The following MTO1 variants were observed in gnomAD, a reference collection of about 807,000 sequenced individuals.
MTO1 encodes 5-taurinomethyluridine-[tRNA] synthase subunit MTO1, mitochondrial.
In MTO1, 46 loss-of-function variants were observed where a neutral mutation model predicts 71.6. That is an observed-to-expected ratio of 0.64 (90% CI 0.51 to 0.82). The LOEUF is 0.82. Ranked by LOEUF, MTO1 falls within the 40% of genes least tolerant of loss-of-function variation. The pLI, the probability that MTO1 is intolerant of heterozygous loss-of-function variation, is 0.00. For missense variants in MTO1, 773 were observed against 867.5 expected (o/e 0.89, Z 1.37); for synonymous variants, 297 against 312.1 (o/e 0.95, Z 0.51).
intron 7 of MTO1, 132 bp from the exon 8 acceptor site, chr6:73,481,908 C>T (rs1771504329): frequency 1.2e-6 from 1 of 847,282 alleles, no homozygotes; most frequent in African/African-American, 1.7e-5. Flanking sequence ...CATTTTCTAC[C>T]TCTATTATAT....
At chr6:73,471,818 ATG>A (rs35298337) in intron 3 of MTO1, 21,883 of 162,204 alleles carry the variant, frequency 0.13, 1,854 homozygotes, top group East Asian at 0.2. Flanking sequence ...AAACCATAAA[ATG>A]TACCATTTTA....
chr6:73,480,849 A>G (rs1230194701), intron 7 of MTO1, 44 bp downstream of exon 7: 1 of 1,596,384 alleles, frequency 6.3e-7, no homozygotes, highest in African/African-American at 1.3e-5. Flanking sequence ...GGACTATTTA[A>G]CTGGTATTTC....
intron 4 of MTO1, among the ~76,000 whole-genome samples, chr6:73,475,355 T>A (rs1222056928): frequency 6.6e-6 from 1 of 151,956 alleles, no homozygotes; most frequent in African/African-American, 2.4e-5. Context: ...CGATCTCAGC[T>A]CACTGCAGCC....
intron 1 of MTO1, among the ~76,000 whole-genome samples, chr6:73,464,846 A>AC (rs1770935015): frequency 6.7e-6 from 1 of 149,460 alleles, no homozygotes; most frequent in African/African-American, 2.5e-5. Context: ...AAAAAAAAAA[A>AC]AAAAAAAAAA....
At chr6:73,493,338 T>C (rs1295612039) in intron 10 of MTO1, among the ~76,000 whole-genome samples, 1 of 135,602 alleles carries the variant, frequency 7.4e-6, no homozygotes, top group Non-Finnish European at 1.6e-5. Flanking sequence ...GTACCACTTA[T>C]TTGAAATGTG....
At position 73,504,680 on chromosome 6, in the gene MTO1, A is replaced by C. The variant is rs1438989059; in HGVS notation, c.*3945A>C. The C allele has an allele frequency of 6.6e-6, 1 of 152,242 alleles. No homozygotes were observed. The highest frequency in any genetic ancestry group is 1.5e-5 in the Non-Finnish European group (1 of 68,086). The allele number at this position is 152,242 out of a possible 1,614,324, so 9.4% of individuals were successfully genotyped here. ...GCCAGGCGGATCACTTGAGCTCAGC[A>C]GTTCAAGACCAGCCTGGGCAACATG... On this transcript the variant is annotated 3_prime_UTR_variant, in exon 12 of 12. Transcript: ENST00000498286.
intron 3 of MTO1, among the ~76,000 whole-genome samples, chr6:73,472,489 T>C (rs1258084783): frequency 1.3e-5 from 2 of 152,184 alleles, no homozygotes. Context: ...CATTGTATTC[T>C]CTCTCCTAGA....
At chr6:73,494,650 T>C (rs1771930876) in intron 10 of MTO1, among the ~76,000 whole-genome samples, 2 of 151,652 alleles carry the variant, frequency 1.3e-5, no homozygotes, top group South Asian at 4.2e-4. Context: ...CTAATTTTTT[T>C]ATTTTTAGTA....
chr6:73,486,069 A>T (rs1353222882), intron 9 of MTO1, among the ~76,000 whole-genome samples: 1 of 152,116 alleles, frequency 6.6e-6, no homozygotes, highest in Non-Finnish European at 1.5e-5. Context: ...AGAGCTCTGT[A>T]CTCTGAGGCT....
chr6:73,468,080 G>T (rs1165205882), intron 3 of MTO1, among the ~76,000 whole-genome samples: 1 of 151,954 alleles, frequency 6.6e-6, no homozygotes, highest in Non-Finnish European at 1.5e-5. Context: ...CGCCCTCCCA[G>T]AGTGCTGGGA....
chr6:73,464,874 T>A (rs375163070), intron 1 of MTO1, among the ~76,000 whole-genome samples: 5 of 149,032 alleles, frequency 3.4e-5, no homozygotes, highest in African/African-American at 1.2e-4. Flanking sequence ...TTTGGAGGTC[T>A]TGATTCTTGA....
At chr6:73,472,562 G>A (rs1315186959) in intron 3 of MTO1, among the ~76,000 whole-genome samples, 5 of 152,136 alleles carry the variant, frequency 3.3e-5, no homozygotes, top group African/African-American at 9.7e-5. Flanking sequence ...TTTGTCTGGG[G>A]TAGGGGAAAT....
chr6:73,481,925 G>C (rs1771505192), intron 7 of MTO1, 115 bp from the exon 8 acceptor site: 1 of 1,063,814 alleles, frequency 9.4e-7, no homozygotes, highest in Non-Finnish European at 1.4e-6. Flanking sequence ...ATATCCCTTA[G>C]GGGCAATACT....
Position 73,480,758 on chromosome 6 carries a change from G to T in MTO1, c.1213G>T (p.Ala405Ser), listed in dbSNP as rs1440026806. The change falls in exon 7 of 12, where the codon GCT becomes TCT. Residue 405 changes from alanine (A) to serine (S), a missense_variant. Transcript: ENST00000498286. The stretch of plus-strand genomic sequence containing the variant: ...TCATTTGGTTCAACGACTCTTCTTT[G>T]CTGGACAGATCAATGGCACCACTGG... ...ETHLVQRLFF[A>S]GQINGTTGYE... 1.9e-6 allele frequency: 3 copies of T among 1,613,852 alleles called. No individual in the cohort carries two copies. The highest frequency in any genetic ancestry group is 1.3e-5 in the African/African-American group (1 of 74,884).
intron 9 of MTO1, among the ~76,000 whole-genome samples, chr6:73,489,612 A>T (rs1334382827): frequency 3.3e-5 from 5 of 152,212 alleles, no homozygotes; most frequent in Middle Eastern, 3.4e-3. Flanking sequence ...AAAGGACATG[A>T]ACTCATCTTT....
chr6:73,486,545 C>T, intron 9 of MTO1: 1 of 416,658 alleles, frequency 2.4e-6, no homozygotes, highest in African/African-American at 2.1e-5. Context: ...CGAAACCAGC[C>T]TGGCCAACAT....
intron 11 of MTO1, among the ~76,000 whole-genome samples, chr6:73,498,220 A>T (rs894423944): frequency 6.6e-6 from 1 of 152,062 alleles, no homozygotes; most frequent in Non-Finnish European, 1.5e-5. Context: ...CAAAAAAAAA[A>T]GAAACTTGAC....
chr6:73,463,184 C>T (rs906051929), intron 1 of MTO1, among the ~76,000 whole-genome samples: 1 of 151,928 alleles, frequency 6.6e-6, no homozygotes, highest in Non-Finnish European at 1.5e-5. Context: ...CCACCACGCC[C>T]GGCTAATTTT....
At position 73,508,334 on chromosome 6, in the gene MTO1, T is replaced by A. The variant is rs2150048782; in HGVS notation, c.*7599T>A. On this transcript the variant is annotated 3_prime_UTR_variant, in exon 12 of 12. Coordinates refer to ENST00000498286, the MANE Select transcript of MTO1 (RefSeq NM_012123.4). ...AGTCATTTTTAGTCTTTAATTATGT[T>A]GGTTGCTTTTAGAATTCTCTTTTAG... The A allele has an allele frequency of 6.6e-6, 1 of 152,362 alleles. No homozygotes were observed. The highest frequency in any genetic ancestry group is 2.1e-4 in the South Asian group (1 of 4,830). The allele number at this position is 152,362 out of a possible 1,614,324, so 9.4% of individuals were successfully genotyped here. A position where few individuals can be genotyped will look rare whatever the true frequency, so the allele number is the denominator to read the frequency against.
Sources: gnomAD v4.1 joint callset for allele counts (sites outside exome capture counted in the v4.1 genomes callset) on GRCh38, gnomAD v4.1.1 for gene constraint, MANE v1.5 for transcripts, NCBI Gene and HGNC (gene_info 2026-07-23, HGNC 2026-07-21) for gene names.